Variants in WNT3A observed in about 807,000 individuals in gnomAD.
WNT3A encodes Wnt family member 3A.
Under a neutral mutation model 37.0 loss-of-function variants are expected in WNT3A, and 17 were observed. The ratio of observed to expected loss-of-function variants is 0.46; its 90% CI spans 0.31 to 0.69. The LOEUF is 0.69. WNT3A is among the 30% of genes least tolerant of loss of function. The probability of loss-of-function intolerance (pLI) is 0.05; values close to 1 mark genes in which losing one functional copy is unlikely to be tolerated. For synonymous variants in WNT3A, 187 were observed against 211.0 expected (o/e 0.89, Z 0.99); for missense variants, 411 against 510.2 (o/e 0.81, Z 1.87).
In WNT3A at chr1:228,050,756, C is replaced by T; in HGVS notation, c.414C>T (p.Cys138=). 6.2e-7 allele frequency: 1 copy of T among 1,613,670 alleles called. No homozygotes were observed. Among genetic ancestry groups the T allele is most frequent in the South Asian group, 1.1e-5 (1 of 91,080 alleles). The change falls in exon 3 of 4, where the codon TGC becomes TGT. Residue 138 remains cysteine, a synonymous_variant. Transcript: ENST00000284523. The surrounding 1 kb of genome is among the most constrained non-coding windows in gnomAD (Gnocchi z 5.0). ...CAEGTAAICG[C]SSRHQGSPGK... Reference sequence around the variant, plus strand: ...AAGGCACGGCCGCCATCTGTGGCTGCAGCAGCCGCCACCAGGGCTCACCAG... The same window carrying T: ...AAGGCACGGCCGCCATCTGTGGCTGTAGCAGCCGCCACCAGGGCTCACCAG...
intron 2 of WNT3A, among the ~76,000 whole-genome samples, chr1:228,027,524 T>G (rs1369861170): frequency 1.3e-5 from 2 of 152,234 alleles, no homozygotes; most frequent in African/African-American, 4.8e-5. Context: ...CCCTCATGAT[T>G]AGTGATGTTG....
chr1:228,009,047 C>T (rs776540919), intron 1 of WNT3A, among the ~76,000 whole-genome samples: 14 of 152,168 alleles, frequency 9.2e-5, no homozygotes, highest in Non-Finnish European at 1.8e-4. Context: ...TTTGGCCACA[C>T]AGGGAAGCGG....
rs1331698770 is a variant in WNT3A, at chr1:228,059,770, G to C, written c.*305G>C. The C allele has an allele frequency of 8.4e-7, 1 of 1,186,180 alleles. No homozygotes were observed. The highest frequency in any genetic ancestry group is 1.0e-6 in the Non-Finnish European group (1 of 957,096). 73.5% of individuals were successfully genotyped at this position (1,186,180 alleles called of 1,614,324 possible). ...TCCCCTGGACAGAGGCGGGGCTACA[G>C]ATTGGGCGGGGCTTCTCTTGGGTGG... On this transcript the variant is annotated 3_prime_UTR_variant, in exon 4 of 4. Transcript: ENST00000284523.
intron 1 of WNT3A, among the ~76,000 whole-genome samples, chr1:228,010,140 A>C (rs1321770298): frequency 6.6e-6 from 1 of 152,264 alleles, no homozygotes; most frequent in Non-Finnish European, 1.5e-5. Flanking sequence ...AATTCTTGGA[A>C]GAGCCCACAT....
rs763199665 is a variant in WNT3A, at chr1:228,038,541, T to TA, written c.314-12114dup. The stretch of plus-strand genomic sequence containing the variant: ...CCTGGCCAGTCTGGTCAGGTGGTCC[T>TA]AGCTGGGATCCAAGGCACCCCCCTC... On this transcript the variant is annotated intron_variant, in intron 2 of 3. Coordinates refer to ENST00000284523, the MANE Select transcript of WNT3A (RefSeq NM_033131.4). This position sits in a 1 kb window ranked among gnomAD's most constrained non-coding sequence, Gnocchi z 5.7. Among the ~76,000 whole-genome samples, 1 of 152,262 alleles carries TA rather than the reference T, an allele frequency of 6.6e-6. No individual in the cohort carries two copies. The highest frequency in any genetic ancestry group is 1.5e-5 in the Non-Finnish European group (1 of 68,000).
In WNT3A at chr1:228,037,786, C is replaced by G. The variant is rs1046866816; in HGVS notation, c.314-12870C>G. Among the ~76,000 whole-genome samples the G allele has an allele frequency of 1.3e-5, 2 of 152,216 alleles. No individual in the cohort carries two copies. The highest frequency in any genetic ancestry group is 2.9e-5 in the Non-Finnish European group (2 of 68,030). The stretch of plus-strand genomic sequence containing the variant: ...TCCGGCTGGGAGCACAATATCCCAG[C>G]GACGGCGACAAGATTAAGCACAAGG... On this transcript the variant is annotated intron_variant, in intron 2 of 3. Transcript: ENST00000284523. The surrounding 1 kb of genome is among the most constrained non-coding windows in gnomAD (Gnocchi z 4.1).
intron 3 of WNT3A, among the ~76,000 whole-genome samples, chr1:228,052,289 G>A (rs912985724): frequency 5.3e-5 from 8 of 151,810 alleles, no homozygotes; most frequent in Admixed American, 2.6e-4. Context: ...GACTATAGGC[G>A]CATGCCACCA....
intron 1 of WNT3A, among the ~76,000 whole-genome samples, chr1:228,021,929 T>C (rs1558286133): frequency 2.6e-5 from 4 of 152,204 alleles, no homozygotes; most frequent in Admixed American, 2.6e-4. Flanking sequence ...CATGCAGTTG[T>C]GCTGAGCAGG....
chr1:228,018,872 G>A (rs953493068), intron 1 of WNT3A, among the ~76,000 whole-genome samples: 1 of 152,210 alleles, frequency 6.6e-6, no homozygotes, highest in African/African-American at 2.4e-5. Flanking sequence ...GCCTTCTGGT[G>A]GCCTGGTGCT....
chr1:228,025,070 A>G (rs1178878662), intron 2 of WNT3A, among the ~76,000 whole-genome samples: 1 of 152,172 alleles, frequency 6.6e-6, no homozygotes, highest in Non-Finnish European at 1.5e-5. Context: ...AACTGGGAAG[A>G]GTAAGTTTTC....
chr1:228,041,497 C>T (rs538058504), intron 2 of WNT3A, among the ~76,000 whole-genome samples: 1 of 151,620 alleles, frequency 6.6e-6, no homozygotes, highest in East Asian at 1.9e-4. Flanking sequence ...TCCATCAATC[C>T]ATCATCCATC....
At chr1:228,030,739 A>C (rs1393224678) in intron 2 of WNT3A, among the ~76,000 whole-genome samples, 1 of 152,248 alleles carries the variant, frequency 6.6e-6, no homozygotes, top group Admixed American at 6.5e-5. Flanking sequence ...TGCACTTTGC[A>C]GTCCCTCTGC....
At chr1:228,020,875 G>A (rs916746412) in intron 1 of WNT3A, among the ~76,000 whole-genome samples, 1 of 152,134 alleles carries the variant, frequency 6.6e-6, no homozygotes, top group Admixed American at 6.5e-5. Flanking sequence ...ATCTCCAGGG[G>A]GTAGACATAT....
At chr1:228,028,722 A>G (rs1366506369) in intron 2 of WNT3A, among the ~76,000 whole-genome samples, 1 of 152,180 alleles carries the variant, frequency 6.6e-6, no homozygotes, top group Non-Finnish European at 1.5e-5. Flanking sequence ...TGCTTTGGGC[A>G]GTATTGTCAT....
At position 228,042,536 on chromosome 1, in the gene WNT3A, A is replaced by G. The variant is rs1346821637; in HGVS notation, c.314-8120A>G. ...TGGGCAACAGATAGGTGATGAATGT[A>G]CAGATGATGAAGGGGATGATGGATG... On this transcript the variant is annotated intron_variant, in intron 2 of 3. Transcript: ENST00000284523. The surrounding 1 kb of genome is among the most constrained non-coding windows in gnomAD (Gnocchi z 5.2). Among the ~76,000 whole-genome samples the G allele has an allele frequency of 1.3e-5, 2 of 151,934 alleles. No individual in the cohort carries two copies. The highest frequency in any genetic ancestry group is 2.9e-5 in the Non-Finnish European group (2 of 67,972).
In WNT3A at chr1:228,008,427, G is replaced by T. The variant is rs2030269791; in HGVS notation, c.71+1228G>T. ...CGGGGGCTCCCGCGGTAGGGGCGCC[G>T]GGCCAGGAGCAGCGGGGAGGGGAAG... On this transcript the variant is annotated intron_variant, in intron 1 of 3. Transcript: ENST00000284523. The surrounding 1 kb of genome is among the most constrained non-coding windows in gnomAD (Gnocchi z 4.9). Among the ~76,000 whole-genome samples the T allele has an allele frequency of 2.0e-5, 3 of 152,220 alleles. No individual in the cohort carries two copies. The highest frequency in any genetic ancestry group is 4.4e-5 in the Non-Finnish European group (3 of 68,030).
At position 228,059,686 on chromosome 1, in the gene WNT3A, T is replaced by G. The variant is rs111458816; in HGVS notation, c.*221T>G. The G allele has an allele frequency of 1.2e-5, 16 of 1,343,886 alleles. No individual in the cohort carries two copies. The African/African-American group carries it at 1.8e-4, about 16-fold the overall frequency. 83.2% of individuals were successfully genotyped at this position (1,343,886 alleles called of 1,614,324 possible). A position where few individuals can be genotyped will look rare whatever the true frequency, so the allele number is the denominator to read the frequency against. ...CTCTGGTGGCTGGGCTGCTCCTGAA[T>G]GAGGCGGAGCTCCAGGATGGGGAGG... is the stretch of plus-strand genomic sequence containing the variant. On this transcript the variant is annotated 3_prime_UTR_variant, in exon 4 of 4. Coordinates refer to ENST00000284523, the MANE Select transcript of WNT3A (RefSeq NM_033131.4).
chr1:228,043,799 A>G (rs541599680), intron 2 of WNT3A, among the ~76,000 whole-genome samples: 1 of 152,206 alleles, frequency 6.6e-6, no homozygotes, highest in South Asian at 2.1e-4. Context: ...GCTCCCAGAC[A>G]TACCCCATCG....
intron 3 of WNT3A, among the ~76,000 whole-genome samples, chr1:228,054,622 T>C (rs375659773): frequency 0.013 from 1,693 of 126,504 alleles, 32 homozygotes; most frequent in African/African-American, 0.046. Flanking sequence ...AGTGAGACTC[T>C]GTCTCAAAAA....
Sources: gnomAD v4.1 joint callset for allele counts (sites outside exome capture counted in the v4.1 genomes callset) on GRCh38, gnomAD v4.1.1 for gene constraint, Gnocchi (gnomAD v3.1) non-coding constraint, MANE v1.5 for transcripts, NCBI Gene and HGNC (gene_info 2026-07-23, HGNC 2026-07-21) for gene names.